Variants in CACNG4 observed in about 807,000 individuals in gnomAD.
The protein encoded by CACNG4 is calcium voltage-gated channel auxiliary subunit gamma 4, also known as voltage-dependent calcium channel gamma-4 subunit.
A neutral mutation model predicts 22.9 loss-of-function variants in CACNG4; 8 were observed. The ratio of observed to expected loss-of-function variants is 0.35; its 90% CI spans 0.21 to 0.63. The LOEUF is 0.63. CACNG4 is among the 30% of genes least tolerant of loss of function. The probability of loss-of-function intolerance (pLI) is 0.72; values close to 1 mark genes in which losing one functional copy is unlikely to be tolerated. For missense variants in CACNG4, 357 were observed against 455.4 expected (o/e 0.78, Z 1.97); for synonymous variants, 188 against 191.9 (o/e 0.98, Z 0.17).
At chr17:66,994,031 AAAC>A (rs2035358370) in intron 1 of CACNG4, among the ~76,000 whole-genome samples, 1 of 151,402 alleles carries the variant, frequency 6.6e-6, no homozygotes, top group African/African-American at 2.5e-5. Context: ...AAAAAAAAAA[AAAC>A]ATTTTTTTAA....
chr17:66,993,693 C>T (rs1333241032), intron 1 of CACNG4, among the ~76,000 whole-genome samples: 4 of 152,176 alleles, frequency 2.6e-5, no homozygotes, highest in Non-Finnish European at 4.4e-5. Flanking sequence ...GCAACCTCTG[C>T]CTCCAGGGTT....
intron 1 of CACNG4, among the ~76,000 whole-genome samples, chr17:67,001,692 G>T (rs982984238): frequency 5.9e-5 from 9 of 152,242 alleles, no homozygotes; most frequent in African/African-American, 1.7e-4. Flanking sequence ...TGAATTCAGG[G>T]TTCTACTAGA....
chr17:67,018,337 G>A, intron 2 of CACNG4, 65 bp downstream of exon 2: 1 of 1,183,012 alleles, frequency 8.5e-7, no homozygotes, highest in Admixed American at 1.7e-5. Flanking sequence ...AAGGCGGCCG[G>A]AGGAAAGAGA....
At chr17:66,986,161 G>A (rs1161116012) in intron 1 of CACNG4, among the ~76,000 whole-genome samples, 2 of 152,230 alleles carry the variant, frequency 1.3e-5, no homozygotes, top group East Asian at 3.9e-4. Context: ...CTTATGAGAG[G>A]AGGCCAGAAG....
intron 1 of CACNG4, among the ~76,000 whole-genome samples, chr17:66,981,478 T>C (rs1217986191): frequency 6.6e-6 from 1 of 152,266 alleles, no homozygotes; most frequent in Non-Finnish European, 1.5e-5. Context: ...GAAATTTACC[T>C]GGTTTTTTGT....
In CACNG4 at chr17:66,972,226, C is replaced by T. The variant is rs534059893; in HGVS notation, c.220+7095C>T. Among the ~76,000 whole-genome samples, 538 of 152,258 alleles carry T rather than the reference C, an allele frequency of 3.5e-3. 1 individual carries two copies. The highest frequency in any genetic ancestry group is 6.5e-3 in the Non-Finnish European group (445 of 68,014). ...AGATTCTGACACTACTGCCTGACAC[C>T]CCACAGCCTAAAGTAGTGCTGGACA... On this transcript the variant is annotated intron_variant, in intron 1 of 3. Transcript: ENST00000262138.
At chr17:67,001,289 A>G (rs151137398) in intron 1 of CACNG4, among the ~76,000 whole-genome samples, 113 of 152,158 alleles carry the variant, frequency 7.4e-4, no homozygotes, top group East Asian at 5.2e-3. Context: ...GTATGCCTTT[A>G]TTAGCAGCAT....
intron 1 of CACNG4, among the ~76,000 whole-genome samples, chr17:66,999,307 G>A (rs1163316594): frequency 6.6e-6 from 1 of 151,076 alleles, no homozygotes; most frequent in Non-Finnish European, 1.5e-5. Context: ...TGGTCATTGT[G>A]GTAGTTAGCA....
intron 1 of CACNG4, among the ~76,000 whole-genome samples, chr17:66,981,455 G>A (rs760171674): frequency 2.3e-4 from 35 of 152,178 alleles, no homozygotes; most frequent in Middle Eastern, 3.2e-3. Flanking sequence ...CCCATCTCTG[G>A]AGGAAAGGGA....
intron 1 of CACNG4, among the ~76,000 whole-genome samples, chr17:67,006,280 T>A (rs2035437390): frequency 6.6e-6 from 1 of 152,166 alleles, no homozygotes; most frequent in Non-Finnish European, 1.5e-5. Flanking sequence ...GGGGACAGAA[T>A]GACAGACATT....
rs137886011 is a variant in CACNG4 at position 66,967,582 on chromosome 17, G to T, written c.220+2451G>T. On this transcript the variant is annotated intron_variant, in intron 1 of 3. Transcript: ENST00000262138. Reference sequence around the variant, plus strand: ...CACTTTCTGGGGACACGGAGGGAGGGTTACCTCCGTGTTGGCTTTCATGTA... The same window carrying T: ...CACTTTCTGGGGACACGGAGGGAGGTTTACCTCCGTGTTGGCTTTCATGTA... 1.4e-4 allele frequency among the ~76,000 whole-genome samples: 21 copies of T among 152,252 alleles called. No individual in the cohort carries two copies. In the South Asian group the frequency reaches 2.1e-3, roughly 15 times the overall value.
intron 1 of CACNG4, among the ~76,000 whole-genome samples, chr17:67,010,708 C>A (rs1272170546): frequency 6.6e-6 from 1 of 152,158 alleles, no homozygotes; most frequent in East Asian, 1.9e-4. Flanking sequence ...CCAGGCAGGT[C>A]ATTTCCGGGA....
intron 1 of CACNG4, among the ~76,000 whole-genome samples, chr17:66,965,778 G>A (rs1236866506): frequency 6.6e-6 from 1 of 152,092 alleles, no homozygotes; most frequent in African/African-American, 2.4e-5. Context: ...CGGATCTAGG[G>A]TAGCTGGGTA....
intron 1 of CACNG4, among the ~76,000 whole-genome samples, chr17:66,999,711 TC>T (rs973682125): frequency 6.6e-6 from 1 of 151,696 alleles, no homozygotes; most frequent in Non-Finnish European, 1.5e-5. Flanking sequence ...GGATTACAGG[TC>T]CCCCCATCAA....
At chr17:67,008,898 G>T (rs745679782) in intron 1 of CACNG4, among the ~76,000 whole-genome samples, 2 of 152,050 alleles carry the variant, frequency 1.3e-5, no homozygotes, top group Non-Finnish European at 2.9e-5. Flanking sequence ...GCAGTGAGCC[G>T]AGATCGCGCC....
intron 1 of CACNG4, among the ~76,000 whole-genome samples, chr17:67,016,748 T>C (rs1443009737): frequency 6.6e-6 from 1 of 152,124 alleles, no homozygotes; most frequent in Non-Finnish European, 1.5e-5. Context: ...GGATAGGACG[T>C]GGCGGCAACA....
At chr17:66,966,398 C>T (rs1297873825) in intron 1 of CACNG4, among the ~76,000 whole-genome samples, 5 of 152,126 alleles carry the variant, frequency 3.3e-5, no homozygotes, top group African/African-American at 9.7e-5. Context: ...GTGTTAACTC[C>T]GCCCCTCGGT....
At chr17:67,017,992 T>C (rs1315686950) in intron 1 of CACNG4, among the ~76,000 whole-genome samples, 197 bp from the exon 2 acceptor site, 1 of 152,082 alleles carries the variant, frequency 6.6e-6, no homozygotes, top group Non-Finnish European at 1.5e-5. Flanking sequence ...CTTTGGGGCA[T>C]ATCTCTCCCG....
intron 1 of CACNG4, among the ~76,000 whole-genome samples, chr17:67,010,690 A>G (rs2035463190): frequency 6.6e-6 from 1 of 152,016 alleles, no homozygotes; most frequent in African/African-American, 2.4e-5. Flanking sequence ...CACCTCCTCC[A>G]TGAAGTCCCA....
Sources: allele counts gnomAD v4.1 joint callset (sites outside exome capture counted in the v4.1 genomes callset), GRCh38; gene constraint gnomAD v4.1.1; transcripts MANE v1.5; gene names NCBI Gene and HGNC (gene_info 2026-07-23, HGNC 2026-07-21).